Variants in KCNIP1 observed in about 807,000 individuals in gnomAD.
KCNIP1 encodes A-type potassium channel modulatory protein KCNIP1.
Under a neutral mutation model 33.0 loss-of-function variants are expected in KCNIP1, and 18 were observed. The ratio of observed to expected loss-of-function variants is 0.55; its 90% CI spans 0.38 to 0.81. The LOEUF is 0.81. Ranked by LOEUF, KCNIP1 falls within the 30% of genes least tolerant of loss-of-function variation. The pLI is 0.00. For missense variants in KCNIP1, 238 were observed against 271.6 expected, an observed-to-expected ratio of 0.88 and a Z score of 0.87; for synonymous variants, 93 against 98.3, an observed-to-expected ratio of 0.95 and a Z score of 0.32.
At position 170,575,784 on chromosome 5, in the gene KCNIP1, A is replaced by G. The variant is rs563298332; in HGVS notation, c.61+71151A>G. ...AGCAAAATTCTGGCTTGACTTTCCAATGTGGGAGTGGGAGAGGACTGCTAA... is the reference window on the plus strand; with the variant it reads ...AGCAAAATTCTGGCTTGACTTTCCAGTGTGGGAGTGGGAGAGGACTGCTAA... On this transcript the variant is annotated intron_variant, in intron 1 of 7. Coordinates refer to ENST00000328939, the MANE Select transcript of KCNIP1 (RefSeq NM_014592.4). 6.6e-5 allele frequency among the ~76,000 whole-genome samples: 10 copies of G among 152,282 alleles called. No individual in the cohort carries two copies. In the East Asian group the frequency reaches 9.6e-4, roughly 15 times the overall value.
intron 1 of KCNIP1, among the ~76,000 whole-genome samples, chr5:170,365,016 G>A (rs1482635600): frequency 1.3e-5 from 2 of 152,138 alleles, no homozygotes; most frequent in African/African-American, 4.8e-5. Flanking sequence ...AACTCTATAC[G>A]CTTTGGCCAA....
intron 1 of KCNIP1, among the ~76,000 whole-genome samples, chr5:170,584,095 T>A (rs1395594690): frequency 6.6e-6 from 1 of 152,150 alleles, no homozygotes; most frequent in Admixed American, 6.6e-5. Context: ...CTAACTAAAT[T>A]AATGAGTAGA....
rs1451784819 is a variant in KCNIP1 at position 170,614,519 on chromosome 5, T to G, written c.62-104239T>G. ...ATGAAATTTTAATACCAGAAATATA[T>G]TCTCTGTTTACATACTTTATGCAAA... On this transcript the variant is annotated intron_variant, in intron 1 of 7. Coordinates refer to ENST00000328939, the MANE Select transcript of KCNIP1 (RefSeq NM_014592.4). Among the ~76,000 whole-genome samples the G allele has an allele frequency of 2.0e-5, 3 of 152,340 alleles. 1 individual carries two copies. The highest frequency in any genetic ancestry group is 2.0e-4 in the Admixed American group (3 of 15,300).
chr5:170,476,919 C>G (rs190220725), intron 1 of KCNIP1, among the ~76,000 whole-genome samples: 2 of 152,308 alleles, frequency 1.3e-5, no homozygotes, highest in East Asian at 3.9e-4. Flanking sequence ...ATGGCCTTCC[C>G]TACAAGACTA....
intron 1 of KCNIP1, among the ~76,000 whole-genome samples, chr5:170,644,742 C>G (rs1760717642): frequency 6.6e-6 from 1 of 152,220 alleles, no homozygotes; most frequent in African/African-American, 2.4e-5. Flanking sequence ...GTAAGGCCCC[C>G]AGAATAGGCA....
intron 1 of KCNIP1, among the ~76,000 whole-genome samples, chr5:170,354,854 GA>G (rs758455816): frequency 6.6e-6 from 1 of 152,154 alleles, no homozygotes; most frequent in African/African-American, 2.4e-5. Flanking sequence ...TCCACTGGCT[GA>G]AAAAACGTCT....
chr5:170,708,750 C>A (rs1763347462), intron 1 of KCNIP1, among the ~76,000 whole-genome samples: 1 of 152,106 alleles, frequency 6.6e-6, no homozygotes, highest in African/African-American at 2.4e-5. Flanking sequence ...TACAAAAAAA[C>A]TAGCCAGGCA....
At chr5:170,479,828 C>T (rs1027529784) in intron 1 of KCNIP1, among the ~76,000 whole-genome samples, 6 of 152,120 alleles carry the variant, frequency 3.9e-5, no homozygotes, top group African/African-American at 7.2e-5. Flanking sequence ...ATTTAACTTC[C>T]GAATTTTATA....
chr5:170,391,504 T>C (rs1754590095), intron 1 of KCNIP1, among the ~76,000 whole-genome samples: 1 of 151,976 alleles, frequency 6.6e-6, no homozygotes. Flanking sequence ...GGCTGCGGGG[T>C]TGTGTGTGAC....
chr5:170,366,535 TA>T (rs947978346), intron 1 of KCNIP1, among the ~76,000 whole-genome samples: 1 of 152,244 alleles, frequency 6.6e-6, no homozygotes, highest in African/African-American at 2.4e-5. Context: ...ATGTTCATTA[TA>T]TCTGGAAATT....
chr5:170,681,096 C>T, intron 1 of KCNIP1: 2 of 399,488 alleles, frequency 5.0e-6, no homozygotes. Flanking sequence ...GTCCGAAGGG[C>T]TCCAGACACT....
At chr5:170,522,781 A>G (rs1380738030) in intron 1 of KCNIP1, among the ~76,000 whole-genome samples, 2 of 152,220 alleles carry the variant, frequency 1.3e-5, no homozygotes, top group Non-Finnish European at 2.9e-5. Flanking sequence ...ATTCTGGCAG[A>G]TTCTCCCTGA....
chr5:170,520,435 G>A (rs961412592), intron 1 of KCNIP1, among the ~76,000 whole-genome samples: 3 of 152,142 alleles, frequency 2.0e-5, no homozygotes, highest in East Asian at 1.9e-4. Flanking sequence ...CTTCAGTTGC[G>A]CAGCCAACTT....
At chr5:170,390,539 T>TATATATATATATATA (rs1581143220) in intron 1 of KCNIP1, among the ~76,000 whole-genome samples, 1 of 133,774 alleles carries the variant, frequency 7.5e-6, no homozygotes, top group Non-Finnish European at 1.6e-5. Flanking sequence ...TATATATATA[T>TATATATATATATATA]TTTCAACAAA....
At position 170,642,596 on chromosome 5, in the gene KCNIP1, C is replaced by T. The variant is rs144724869; in HGVS notation, c.62-76162C>T. Among the ~76,000 whole-genome samples, 736 of 152,268 alleles carry T rather than the reference C, an allele frequency of 4.8e-3. 1 individual carries two copies. The highest frequency in any genetic ancestry group is 0.017 in the African/African-American group (696 of 41,556). ...GACCTGCAGGCCAGCGCTCCCATGC[C>T]CCATAGCCGGGAGTAAAGGACAGAT... On this transcript the variant is annotated intron_variant, in intron 1 of 7. Coordinates refer to ENST00000328939, the MANE Select transcript of KCNIP1 (RefSeq NM_014592.4).
chr5:170,416,708 G>A (rs1441250682), intron 1 of KCNIP1, among the ~76,000 whole-genome samples: 1 of 149,000 alleles, frequency 6.7e-6, no homozygotes. Flanking sequence ...TTCCTGCCTA[G>A]AAAAAAAAAA....
chr5:170,475,559 G>A (rs1406964506), intron 1 of KCNIP1, among the ~76,000 whole-genome samples: 2 of 152,188 alleles, frequency 1.3e-5, no homozygotes, highest in African/African-American at 4.8e-5. Context: ...TGGTAAGACA[G>A]GGAAATAGAG....
chr5:170,403,778 A>C (rs1198799735), intron 1 of KCNIP1, among the ~76,000 whole-genome samples: 2 of 152,248 alleles, frequency 1.3e-5, no homozygotes, highest in African/African-American at 4.8e-5. Context: ...GTTTGAGCTC[A>C]GGCCTTTACA....
intron 1 of KCNIP1, among the ~76,000 whole-genome samples, chr5:170,562,875 C>A (rs13155413): frequency 0.26 from 39,558 of 152,116 alleles, 5,145 homozygotes; most frequent in Middle Eastern, 0.32. Flanking sequence ...GGGACCCATG[C>A]TCCTGTAGCT....
Sources: allele counts gnomAD v4.1 joint callset (sites outside exome capture counted in the v4.1 genomes callset), GRCh38; gene constraint gnomAD v4.1.1; transcripts MANE v1.5; gene names NCBI Gene and HGNC (gene_info 2026-07-23, HGNC 2026-07-21).